Variants in SAMD12 observed in about 807,000 individuals in gnomAD.
SAMD12 encodes sterile alpha motif domain-containing protein 12.
A neutral mutation model predicts 15.0 loss-of-function variants in SAMD12; 9 were observed. That is an observed-to-expected ratio of 0.60 (90% CI 0.36 to 1.05). The LOEUF (loss-of-function observed/expected upper bound fraction) is 1.05, where lower values mean the gene tolerates loss of function less well. Ranked by LOEUF, SAMD12 falls within the 50% of genes least tolerant of loss-of-function variation. The pLI, the probability that SAMD12 is intolerant of heterozygous loss-of-function variation, is 0.01. For missense variants in SAMD12, 230 were observed against 234.2 expected (o/e 0.98, Z 0.12); for synonymous variants, 86 against 90.1 (o/e 0.96, Z 0.25).
chr8:118,447,550 G>C (rs950164538), intron 2 of SAMD12, among the ~76,000 whole-genome samples: 1 of 151,270 alleles, frequency 6.6e-6, no homozygotes, highest in Admixed American at 6.6e-5. Flanking sequence ...TGATTTGCCT[G>C]CCTCGGCCTC....
intron 4 of SAMD12, among the ~76,000 whole-genome samples, chr8:118,367,199 T>A (rs1036901247): frequency 1.3e-5 from 2 of 152,206 alleles, no homozygotes; most frequent in Admixed American, 1.3e-4. Flanking sequence ...AATTAGTTAA[T>A]ATGCAATATT....
intron 2 of SAMD12, among the ~76,000 whole-genome samples, chr8:118,498,695 C>CA (rs1431897342): frequency 1.3e-5 from 2 of 152,060 alleles, no homozygotes; most frequent in Non-Finnish European, 2.9e-5. Flanking sequence ...GAAATGATTA[C>CA]AAAAAATGAT....
At chr8:118,138,073 G>A in the SAMD12 span, among the ~76,000 whole-genome samples, 1 of 152,114 alleles carries the variant, frequency 6.6e-6, no homozygotes, top group African/African-American at 2.4e-5. Context: ...TGCTGGGAAT[G>A]GAGGAATAAG....
chr8:118,206,147 C>T (rs1202772399), intron 4 of SAMD12, among the ~76,000 whole-genome samples: 1 of 152,114 alleles, frequency 6.6e-6, no homozygotes, highest in Non-Finnish European at 1.5e-5. Flanking sequence ...TTCTTTTGTC[C>T]AGCTTGTCTC....
Position 118,300,489 on chromosome 8 carries a change from T to C in SAMD12, c.433+79071A>G, listed in dbSNP as rs17481114. Reference sequence around the variant, plus strand: ...GTGAAGGACCATGCAGGGAATTTTATGGTCAGGTTGAGAAGTGGTAAAGGC... The same window carrying C: ...GTGAAGGACCATGCAGGGAATTTTACGGTCAGGTTGAGAAGTGGTAAAGGC... On this transcript the variant is annotated intron_variant, in intron 4 of 4. Transcript: ENST00000409003. 4.4e-4 allele frequency among the ~76,000 whole-genome samples: 67 copies of C among 152,314 alleles called. No individual in the cohort carries two copies. In the East Asian group the frequency reaches 4.4e-3, roughly 10 times the overall value.
intron 4 of SAMD12, among the ~76,000 whole-genome samples, chr8:118,359,909 C>T (rs755664318): frequency 6.6e-5 from 10 of 152,146 alleles, no homozygotes; most frequent in South Asian, 2.1e-4. Context: ...AGTTAAAGCT[C>T]TAAGGTTTTG....
chr8:118,211,529 C>T (rs1811826117), intron 4 of SAMD12, among the ~76,000 whole-genome samples: 1 of 152,182 alleles, frequency 6.6e-6, no homozygotes, highest in Non-Finnish European at 1.5e-5. Context: ...TGTTTAATGT[C>T]CTGCTTTAAA....
intron 4 of SAMD12, among the ~76,000 whole-genome samples, chr8:118,316,458 T>C (rs1815909558): frequency 6.6e-6 from 1 of 151,384 alleles, no homozygotes; most frequent in Admixed American, 6.6e-5. Context: ...ATTGCTTGAG[T>C]CCAGGAGTCG....
chr8:118,193,618 G>T (rs1412944249), exon 5 of SAMD12: 1 of 152,090 alleles, frequency 6.6e-6, no homozygotes, highest in East Asian at 1.9e-4. Context: ...CTACCTCACT[G>T]CTTTTTGGGC....
rs141402229 is a variant in SAMD12, at chr8:118,442,301, G to C, written c.193-2340C>G. On this transcript the variant is annotated intron_variant, in intron 2 of 3. Transcript: ENST00000314727. ...GTGAATGAATTAATGAAATGAAACA[G>C]CATTCACAGACATAGCTTGCTATTT... is the stretch of plus-strand genomic sequence containing the variant. Among the ~76,000 whole-genome samples the C allele has an allele frequency of 1.0e-3, 159 of 152,302 alleles. 1 individual carries two copies. Among genetic ancestry groups the C allele is most frequent in the Non-Finnish European group, 1.9e-3 (130 of 68,020 alleles).
intron 4 of SAMD12, among the ~76,000 whole-genome samples, chr8:118,298,644 C>A (rs188821950): frequency 6.6e-6 from 1 of 152,170 alleles, no homozygotes; most frequent in Admixed American, 6.5e-5. Context: ...AAGAATCTAC[C>A]TAAAAATATG....
chr8:118,603,258 T>C (rs1586850169), intron 1 of SAMD12, among the ~76,000 whole-genome samples: 1 of 152,126 alleles, frequency 6.6e-6, no homozygotes, highest in Non-Finnish European at 1.5e-5. Context: ...ACAACATGCA[T>C]TTCCATTCAG....
intron 1 of SAMD12, among the ~76,000 whole-genome samples, chr8:118,598,979 G>A (rs892794470): frequency 2.6e-5 from 4 of 152,200 alleles, no homozygotes; most frequent in African/African-American, 4.8e-5. Context: ...GTCTGAAACT[G>A]CCATCCATTC....
At chr8:118,382,795 T>C (rs1343663198) in intron 3 of SAMD12, among the ~76,000 whole-genome samples, 1 of 152,160 alleles carries the variant, frequency 6.6e-6, no homozygotes, top group Non-Finnish European at 1.5e-5. Context: ...GGTAGGAAAA[T>C]AAAAGGGTTA....
At chr8:118,492,589 G>A (rs970211075) in intron 2 of SAMD12, among the ~76,000 whole-genome samples, 3 of 152,054 alleles carry the variant, frequency 2.0e-5, no homozygotes, top group Admixed American at 6.6e-5. Flanking sequence ...ACTCATAGAT[G>A]ACTAATACTT....
chr8:118,242,924 G>T (rs188935886), intron 4 of SAMD12, among the ~76,000 whole-genome samples: 1 of 152,152 alleles, frequency 6.6e-6, no homozygotes, highest in African/African-American at 2.4e-5. Context: ...GCAGAGAGTA[G>T]ACAATGGTTT....
intron 1 of SAMD12, among the ~76,000 whole-genome samples, chr8:118,613,873 A>G (rs1290883266): frequency 6.6e-6 from 1 of 152,240 alleles, no homozygotes; most frequent in East Asian, 1.9e-4. Context: ...GTTAAGTGGC[A>G]AGTAAATTTG....
At chr8:118,401,473 T>C (rs2130787528) in intron 3 of SAMD12, among the ~76,000 whole-genome samples, 1 of 152,064 alleles carries the variant, frequency 6.6e-6, no homozygotes, top group East Asian at 1.9e-4. Context: ...TAGGCTCAAG[T>C]GATCCTCCTG....
chr8:118,381,887 CA>C (rs1819691077), intron 3 of SAMD12, among the ~76,000 whole-genome samples: 1 of 152,188 alleles, frequency 6.6e-6, no homozygotes, highest in Admixed American at 6.5e-5. Flanking sequence ...AGAAGTCAAA[CA>C]GATGGCTTTA....
Sources: gnomAD v4.1 joint callset for allele counts (sites outside exome capture counted in the v4.1 genomes callset) on GRCh38, gnomAD v4.1.1 for gene constraint, MANE v1.5 for transcripts, NCBI Gene and HGNC (gene_info 2026-07-23, HGNC 2026-07-21) for gene names.